The following PCCA variants were observed in gnomAD, a reference collection of about 807,000 sequenced individuals.
PCCA encodes the protein propionyl-CoA carboxylase alpha chain, mitochondrial.
Under a neutral mutation model 101.3 loss-of-function variants are expected in PCCA, and 74 were observed. That is an observed-to-expected ratio of 0.73 (90% CI 0.61 to 0.89). The LOEUF is 0.89. Among genes scored for constraint, PCCA ranks in the 40% least tolerant of loss-of-function variants. PCCA has a pLI of 0.00. For missense variants in PCCA, 891 were observed against 907.0 expected (o/e 0.98, Z 0.23); for synonymous variants, 294 against 313.6 (o/e 0.94, Z 0.66).
intron 17 of PCCA, among the ~76,000 whole-genome samples, chr13:100,336,803 C>CT (rs1230345875): frequency 1.3e-5 from 2 of 152,148 alleles, no homozygotes; most frequent in Non-Finnish European, 2.9e-5. Context: ...AGTAGAGGCT[C>CT]TAAGCTTGAA....
intron 21 of PCCA, among the ~76,000 whole-genome samples, chr13:100,451,677 C>T (rs1323039568): frequency 6.6e-6 from 1 of 151,532 alleles, no homozygotes; most frequent in Non-Finnish European, 1.5e-5. Flanking sequence ...TACTTTCTCT[C>T]CTCTTCCTCT....
At chr13:100,422,622 T>C (rs2078903916) in intron 19 of PCCA, among the ~76,000 whole-genome samples, 1 of 152,240 alleles carries the variant, frequency 6.6e-6, no homozygotes, top group African/African-American at 2.4e-5. Flanking sequence ...ATATCTGTTG[T>C]CTTCTCAGTA....
intron 6 of PCCA, among the ~76,000 whole-genome samples, chr13:100,176,622 C>T (rs573888236): frequency 6.6e-6 from 1 of 152,140 alleles, no homozygotes; most frequent in Admixed American, 6.5e-5. Flanking sequence ...GAATTTATGA[C>T]TTACATTATT....
At chr13:100,256,499 C>G (rs1214839890) in intron 8 of PCCA, among the ~76,000 whole-genome samples, 1 of 152,030 alleles carries the variant, frequency 6.6e-6, no homozygotes, top group Non-Finnish European at 1.5e-5. Context: ...TTCAAAAATA[C>G]CAGCCCATAT....
chr13:100,195,208 G>A (rs2058032245), intron 6 of PCCA, among the ~76,000 whole-genome samples: 1 of 152,068 alleles, frequency 6.6e-6, no homozygotes, highest in South Asian at 2.1e-4. Flanking sequence ...CCATGAGGAG[G>A]ACCTTAGCAA....
At chr13:100,200,857 A>G (rs1391501123) in intron 6 of PCCA, among the ~76,000 whole-genome samples, 1 of 152,078 alleles carries the variant, frequency 6.6e-6, no homozygotes, top group Non-Finnish European at 1.5e-5. Flanking sequence ...ATGTGAGACA[A>G]AACAACTCCT....
intron 2 of PCCA, among the ~76,000 whole-genome samples, chr13:100,111,178 CTTTTT>C (rs965293674): frequency 4.1e-5 from 4 of 98,574 alleles, no homozygotes; most frequent in Non-Finnish European, 6.0e-5. Flanking sequence ...GACCCAGCTC[CTTTTT>C]TTTTTTTTTT....
At chr13:100,298,349 A>G (rs1370541860) in intron 12 of PCCA, among the ~76,000 whole-genome samples, 1 of 152,124 alleles carries the variant, frequency 6.6e-6, no homozygotes, top group East Asian at 1.9e-4. Flanking sequence ...CCTAATGACA[A>G]GAGTCTTTCC....
chr13:100,284,652 T>G (rs7981883), intron 12 of PCCA, among the ~76,000 whole-genome samples: 44,932 of 152,124 alleles, frequency 0.3, 7,728 homozygotes, highest in Middle Eastern at 0.46. Flanking sequence ...TATATCCAGT[T>G]GTACCCAACC....
chr13:100,218,136 A>G (rs945708054), intron 7 of PCCA, among the ~76,000 whole-genome samples: 1 of 151,444 alleles, frequency 6.6e-6, no homozygotes, highest in African/African-American at 2.4e-5. Flanking sequence ...GACCATTGCA[A>G]TTAGTATTGC....
intron 6 of PCCA, among the ~76,000 whole-genome samples, chr13:100,194,674 C>T (rs2057989308): frequency 6.6e-6 from 1 of 152,218 alleles, no homozygotes; most frequent in Admixed American, 6.5e-5. Context: ...CCACCTTGGC[C>T]TCCCAAAGTG....
chr13:100,226,352 A>C (rs1430785565), intron 7 of PCCA, among the ~76,000 whole-genome samples: 1 of 152,166 alleles, frequency 6.6e-6, no homozygotes, highest in African/African-American at 2.4e-5. Flanking sequence ...GTAAACTCCT[A>C]AGTGGCTTTC....
At chr13:100,176,097 C>T (rs1366656482) in intron 6 of PCCA, among the ~76,000 whole-genome samples, 1 of 152,108 alleles carries the variant, frequency 6.6e-6, no homozygotes, top group East Asian at 1.9e-4. Context: ...TGTGATGATT[C>T]CTTCTGGGAC....
At chr13:100,523,202 C>T (rs578000713) in intron 22 of PCCA, among the ~76,000 whole-genome samples, 58 of 152,178 alleles carry the variant, frequency 3.8e-4, no homozygotes, top group African/African-American at 1.3e-3. Context: ...GTGAAGAGAA[C>T]TTGGTAGAAG....
intron 8 of PCCA, among the ~76,000 whole-genome samples, 188 bp from the exon 9 acceptor site, chr13:100,257,405 ACT>A (rs1234097687): frequency 6.6e-6 from 1 of 151,826 alleles, no homozygotes; most frequent in Non-Finnish European, 1.5e-5. Context: ...AAATGGTCAC[ACT>A]CTCATTTTTT....
chr13:100,377,119 C>G (rs2075963413), intron 19 of PCCA, among the ~76,000 whole-genome samples: 1 of 152,196 alleles, frequency 6.6e-6, no homozygotes, highest in Non-Finnish European at 1.5e-5. Context: ...CATGCTTTAG[C>G]TTGCCCTTTG....
intron 21 of PCCA, among the ~76,000 whole-genome samples, chr13:100,483,342 G>A (rs1448125312): frequency 2.0e-5 from 3 of 151,958 alleles, no homozygotes; most frequent in South Asian, 2.1e-4. Flanking sequence ...TCTCAGCCAC[G>A]TTGAAACAGA....
chr13:100,157,183 G>A (rs866821046), intron 5 of PCCA, 104 bp from the exon 6 acceptor site: 19 of 725,900 alleles, frequency 2.6e-5, no homozygotes, highest in South Asian at 2.0e-4. Flanking sequence ...TTATTCAAGG[G>A]CTCTTGAACA....
rs904060248 is a variant in PCCA, at chr13:100,219,574, G to C, written c.600+10111G>C. Among the ~76,000 whole-genome samples, 3 of 152,202 alleles carry C rather than the reference G, an allele frequency of 2.0e-5. No individual in the cohort carries two copies. In the East Asian group the frequency reaches 5.8e-4, roughly 29 times the overall value. ...CGGGTATTATCCATATCTGTCAACT[G>C]AGTAGTTTGTTGATTCCGAGGGAGA... On this transcript the variant is annotated intron_variant, in intron 7 of 23. Coordinates refer to ENST00000376285, the MANE Select transcript of PCCA (RefSeq NM_000282.4).
Sources: allele counts gnomAD v4.1 joint callset (sites outside exome capture counted in the v4.1 genomes callset), GRCh38; gene constraint gnomAD v4.1.1; transcripts MANE v1.5; gene names NCBI Gene and HGNC (gene_info 2026-07-23, HGNC 2026-07-21).